The following KLF7 variants were observed in gnomAD, a reference collection of about 807,000 sequenced individuals.
The protein encoded by KLF7 is Krueppel-like factor 7.
Under a neutral mutation model 27.3 loss-of-function variants are expected in KLF7, and 2 were observed. The ratio of observed to expected loss-of-function variants is 0.07; its 90% CI spans 0.03 to 0.23. The LOEUF is 0.23. Among genes scored for constraint, KLF7 ranks in the 10% least tolerant of loss-of-function variants. KLF7 has a pLI of 1.00. For synonymous variants in KLF7, 165 were observed against 162.4 expected (o/e 1.02, Z -0.12); for missense variants, 221 against 394.1 (o/e 0.56, Z 3.72).
In KLF7 at chr2:207,102,126, T is replaced by TACACACA. The variant is rs371861690; in HGVS notation, c.734-13546_734-13545insTGTGTGT. On this transcript the variant is annotated intron_variant, in intron 2 of 3. Coordinates refer to ENST00000309446, the MANE Select transcript of KLF7 (RefSeq NM_003709.4). ...CCACCCGTGAAAGCTACATTCACAT[T>TACACACA]CACACACACACACACACACACACAC... Among the ~76,000 whole-genome samples, 9 of 141,278 alleles carry TACACACA rather than the reference T, an allele frequency of 6.4e-5. No homozygotes were observed. The East Asian group carries it at 8.1e-4, about 13-fold the overall frequency. The allele number at this position is 141,278 out of a possible 152,430, so 92.7% of individuals were successfully genotyped here.
intron 1 of KLF7, among the ~76,000 whole-genome samples, chr2:207,146,388 T>A (rs1056465390): frequency 8.5e-5 from 13 of 152,186 alleles, no homozygotes; most frequent in African/African-American, 2.7e-4. Flanking sequence ...GCTCTTCAAG[T>A]ACCAAGGCCT....
chr2:207,124,159 G>A lies in KLF7; in HGVS notation c.348C>T (p.Ser116=). ...CGGCTGTGTAGCTGTCTAGAGAAGA[G>A]CTGGCCGGCTGGAGGCTGAGGCAGG... ...SETCLSLQPA[S]SSLDSYTAVN... is the part of the protein sequence containing the mutation. Residue 116 remains serine (S), a synonymous_variant, in exon 2 of 4, where the codon AGC becomes AGT. Transcript: ENST00000309446. The A allele has an allele frequency of 6.2e-7, 1 of 1,614,186 alleles. No homozygotes were observed. The highest frequency in any genetic ancestry group is 1.7e-5 in the Admixed American group (1 of 60,022).
intron 1 of KLF7, among the ~76,000 whole-genome samples, chr2:207,130,439 A>T (rs369291309): frequency 3.0e-4 from 45 of 152,364 alleles, no homozygotes; most frequent in African/African-American, 1.0e-3. Flanking sequence ...AAGCAATGAT[A>T]TTTCTTATAC....
At chr2:207,116,971 C>A (rs1169495689) in intron 2 of KLF7, among the ~76,000 whole-genome samples, 1 of 152,090 alleles carries the variant, frequency 6.6e-6, no homozygotes, top group Non-Finnish European at 1.5e-5. Flanking sequence ...AAAGCGAGGT[C>A]CTCGGCAATA....
intron 2 of KLF7, among the ~76,000 whole-genome samples, chr2:207,094,180 GGCAGAATCTT>G (rs1171858735): frequency 6.6e-6 from 1 of 152,106 alleles, no homozygotes; most frequent in Non-Finnish European, 1.5e-5. Flanking sequence ...ATGAACACGT[GGCAGAATCTT>G]GCACTCAAGG....
chr2:207,128,910 T>C (rs902835098), intron 1 of KLF7, among the ~76,000 whole-genome samples: 11 of 152,208 alleles, frequency 7.2e-5, no homozygotes, highest in Non-Finnish European at 1.2e-4. Flanking sequence ...GCCTGGGTCC[T>C]GAACCAGTAA....
rs141397242 is a variant in KLF7 at position 207,086,457 on chromosome 2, ACGCT to A, written c.857+1997_857+2000del. On this transcript the variant is annotated intron_variant, in intron 3 of 3. Coordinates refer to ENST00000309446, the MANE Select transcript of KLF7 (RefSeq NM_003709.4). ...ATGCACTATTGGCCTGTGTCGCGGGACGCTGATCTACTCAATCTCCCACAAATAC... is the reference window on the plus strand; with the variant it reads ...ATGCACTATTGGCCTGTGTCGCGGGAGATCTACTCAATCTCCCACAAATAC... 6.8e-4 allele frequency among the ~76,000 whole-genome samples: 103 copies of A among 152,184 alleles called. 1 individual carries two copies. The highest frequency in any genetic ancestry group is 2.4e-3 in the African/African-American group (99 of 41,458).
At chr2:207,162,391 T>G (rs938982772) in intron 1 of KLF7, among the ~76,000 whole-genome samples, 9 of 152,204 alleles carry the variant, frequency 5.9e-5, no homozygotes, top group African/African-American at 1.9e-4. Context: ...TATAAAATAA[T>G]AGACCACATA....
chr2:207,077,381 C>T lies in KLF7; in HGVS notation c.*3832G>A, dbSNP rs961095271. On this transcript the variant is annotated 3_prime_UTR_variant, in exon 4 of 4. Coordinates refer to ENST00000309446, the MANE Select transcript of KLF7 (RefSeq NM_003709.4). ...TGAAGCCAGAGAAGATTTTTTAAAA[C>T]TAGGATTCAGTTCTGCTAATCAGGC... 1 of 152,090 alleles carries T rather than the reference C, an allele frequency of 6.6e-6. No individual in the cohort carries two copies. The highest frequency in any genetic ancestry group is 2.4e-5 in the African/African-American group (1 of 41,432). The allele number at this position is 152,090 out of a possible 1,614,324, so 9.4% of individuals were successfully genotyped here. A position where few individuals can be genotyped will look rare whatever the true frequency, so the allele number is the denominator to read the frequency against.
intron 1 of KLF7, among the ~76,000 whole-genome samples, chr2:207,163,449 C>T (rs1348509639): frequency 6.6e-6 from 1 of 152,130 alleles, no homozygotes. Context: ...GCAGAGATGG[C>T]TTCTTAGGAA....
In KLF7 at chr2:207,124,330, G is replaced by A. The variant is rs749430306; in HGVS notation, c.177C>T (p.Asp59=). Residue 59 remains aspartate, a synonymous_variant, in exon 2 of 4, where the codon GAC becomes GAT. Transcript: ENST00000309446. The part of the protein sequence containing the change: ...RISETFGEDL[D]CFLHASPPPC... ...GGGGAGGGGAAGCGTGGAGGAAACAGTCCAAGTCCTCACCAAAGGTCTCTG... is the reference window on the plus strand; with the variant it reads ...GGGGAGGGGAAGCGTGGAGGAAACAATCCAAGTCCTCACCAAAGGTCTCTG... The A allele has an allele frequency of 2.5e-6, 4 of 1,608,566 alleles. No individual in the cohort carries two copies. Among genetic ancestry groups the A allele is most frequent in the East Asian group, 2.2e-5 (1 of 44,710 alleles).
At chr2:207,130,702 T>A (rs976725462) in intron 1 of KLF7, among the ~76,000 whole-genome samples, 10 of 152,184 alleles carry the variant, frequency 6.6e-5, no homozygotes, top group Non-Finnish European at 1.5e-4. Flanking sequence ...ACCTGGAACA[T>A]AAAAGGTTCA....
At chr2:207,107,999 T>A (rs1412715220) in intron 2 of KLF7, among the ~76,000 whole-genome samples, 4 of 152,238 alleles carry the variant, frequency 2.6e-5, no homozygotes, top group Non-Finnish European at 5.9e-5. Flanking sequence ...CGCAACAGAT[T>A]TTTAAAAAAA....
chr2:207,127,930 G>A (rs2077525684), intron 1 of KLF7, among the ~76,000 whole-genome samples: 1 of 152,058 alleles, frequency 6.6e-6, no homozygotes, highest in Non-Finnish European at 1.5e-5. Flanking sequence ...TACATACATA[G>A]AGAAATAAAT....
chr2:207,151,151 A>G (rs746400671), intron 1 of KLF7, among the ~76,000 whole-genome samples: 2 of 152,168 alleles, frequency 1.3e-5, no homozygotes, highest in African/African-American at 2.4e-5. Context: ...AGAAAACAGC[A>G]ATGGGAATAA....
At chr2:207,109,400 A>G (rs574362271) in intron 2 of KLF7, among the ~76,000 whole-genome samples, 28 of 152,228 alleles carry the variant, frequency 1.8e-4, no homozygotes, top group Non-Finnish European at 3.2e-4. Flanking sequence ...CCCCCAAAAG[A>G]AATAACTGAT....
At chr2:207,120,236 T>C (rs1394238727) in intron 2 of KLF7, among the ~76,000 whole-genome samples, 1 of 152,184 alleles carries the variant, frequency 6.6e-6, no homozygotes, top group Non-Finnish European at 1.5e-5. Context: ...TTTTGAAGGA[T>C]TCAGCATCCT....
chr2:207,083,049 T>C (rs1460721386), intron 3 of KLF7, among the ~76,000 whole-genome samples: 3 of 152,218 alleles, frequency 2.0e-5, no homozygotes, highest in Admixed American at 6.5e-5. Context: ...ATTCCAATTA[T>C]ACCCACTTAC....
intron 1 of KLF7, among the ~76,000 whole-genome samples, chr2:207,152,738 A>G (rs1425755072): frequency 6.6e-6 from 1 of 152,210 alleles, no homozygotes; most frequent in Non-Finnish European, 1.5e-5. Context: ...TCTGGGTGAG[A>G]GCAGAAAGCA....
Sources: gnomAD v4.1 joint callset for allele counts (sites outside exome capture counted in the v4.1 genomes callset) on GRCh38, gnomAD v4.1.1 for gene constraint, MANE v1.5 for transcripts, NCBI Gene and HGNC (gene_info 2026-07-23, HGNC 2026-07-21) for gene names.